CHAF1A: variants seen among roughly 807,000 people sequenced by gnomAD.
CHAF1A encodes CAF-1 subunit A.
In CHAF1A, 5 loss-of-function variants were observed where a neutral mutation model predicts 93.2. The observed-to-expected ratio is 0.05, with a 90% CI of 0.03 to 0.11. The LOEUF (loss-of-function observed/expected upper bound fraction) is 0.11, where lower values mean the gene tolerates loss of function less well. CHAF1A is among the 10% of genes least tolerant of loss of function. The probability of loss-of-function intolerance (pLI) is 1.00; values close to 1 mark genes in which losing one functional copy is unlikely to be tolerated. For missense variants in CHAF1A, 1,102 were observed against 1,259.9 expected (o/e 0.87, Z 1.90); for synonymous variants, 504 against 510.3 (o/e 0.99, Z 0.17).
rs778100682 is a variant in CHAF1A at position 4,408,461 on chromosome 19, C to CTTTTTTTTTTTTTTTT, written c.104-427_104-412dup. On this transcript the variant is annotated intron_variant, in intron 2 of 14. Transcript: ENST00000301280. ...CCTGCCTTGGCCTCCCGCACCCGGC[C>CTTTTTTTTTTTTTTTT]TTTTTTTTTTTTTTTTTTTTTTTTT... 3.0e-3 allele frequency among the ~76,000 whole-genome samples: 108 copies of CTTTTTTTTTTTTTTTT among 36,024 alleles called. 37 individuals are homozygous for CTTTTTTTTTTTTTTTT. The highest frequency in any genetic ancestry group is 7.4e-3 in the African/African-American group (44 of 5,964). 23.6% of individuals were successfully genotyped at this position (36,024 alleles called of 152,430 possible).
In CHAF1A at chr19:4,442,270, T is replaced by C; in HGVS notation, c.2699T>C (p.Phe900Ser). The change falls in exon 14 of 15, where the codon TTC becomes TCC. Residue 900 changes from phenylalanine (F) to serine (S), a missense_variant. Coordinates refer to ENST00000301280, the MANE Select transcript of CHAF1A (RefSeq NM_005483.3). ...GQIGAEDMDG[F>S]QADTEEEEEE... ...ATTGGTGCTGAAGACATGGACGGCT[T>C]CCAGGCAGACACGGAGGAGGAGGAA... 1 of 1,614,014 alleles carries C rather than the reference T, an allele frequency of 6.2e-7. No homozygotes were observed. The highest frequency in any genetic ancestry group is 8.5e-7 in the Non-Finnish European group (1 of 1,179,972).
At chr19:4,409,814 T>A (rs1438669471) in intron 3 of CHAF1A, 55 bp downstream of exon 3, 2 of 1,540,986 alleles carry the variant, frequency 1.3e-6, no homozygotes, top group African/African-American at 2.7e-5. Flanking sequence ...CTCAGAGCGC[T>A]GTCAGTCTCC....
At chr19:4,435,087 C>CTTTTT (rs869255408) in intron 13 of CHAF1A, among the ~76,000 whole-genome samples, 43 of 87,966 alleles carry the variant, frequency 4.9e-4, no homozygotes, top group African/African-American at 8.5e-4. Flanking sequence ...CTTTTTTTTC[C>CTTTTT]TTTTTTTTTT....
rs1973757531 is a variant in CHAF1A at position 4,409,740 on chromosome 19, C to T, written c.941C>T (p.Thr314Ile). 1 of 1,610,996 alleles carries T rather than the reference C, an allele frequency of 6.2e-7. No homozygotes were observed. Among genetic ancestry groups the T allele is most frequent in the East Asian group, 2.2e-5 (1 of 44,768 alleles). ...KQHSSTSPFP[T>I]STPLRRITKK... Reference sequence around the variant, plus strand: ...CACAGCAGTACCAGTCCCTTCCCCACCTCCACGCCCCTCCGCAGAGTGAGT... The same window carrying T: ...CACAGCAGTACCAGTCCCTTCCCCATCTCCACGCCCCTCCGCAGAGTGAGT... Residue 314 changes from threonine to isoleucine, a missense_variant, in exon 3 of 15, where the codon ACC (threonine) becomes ATC (isoleucine). Transcript: ENST00000301280.
Position 4,430,887 on chromosome 19 carries a change from G to C in CHAF1A, c.1947+246G>C, listed in dbSNP as rs1974170034. The C allele has an allele frequency of 2.9e-5, 15 of 510,178 alleles. No homozygotes were observed. The South Asian group carries it at 3.2e-4, about 11-fold the overall frequency. 31.6% of individuals were successfully genotyped at this position (510,178 alleles called of 1,614,324 possible). A position where few individuals can be genotyped will look rare whatever the true frequency, so the allele number is the denominator to read the frequency against. The stretch of plus-strand genomic sequence containing the variant: ...CATAGGAGCAGACACCCTGGTGAGG[G>C]AGCGTGGCCATGGTCTGTGGGTTAG... On this transcript the variant is annotated intron_variant, in intron 11 of 14. Transcript: ENST00000301280.
At chr19:4,403,843 G>A (rs1035457922) in intron 1 of CHAF1A, among the ~76,000 whole-genome samples, 1 of 152,214 alleles carries the variant, frequency 6.6e-6, no homozygotes, top group South Asian at 2.1e-4. Flanking sequence ...TTTTAAGTCA[G>A]GATGTTTAAC....
chr19:4,436,185 C>T (rs984918149), intron 13 of CHAF1A, among the ~76,000 whole-genome samples: 2 of 151,996 alleles, frequency 1.3e-5, no homozygotes, highest in African/African-American at 2.4e-5. Flanking sequence ...GGCAGGGAGG[C>T]GAGAGAAATG....
At chr19:4,425,208 A>G (rs1167709752) in intron 7 of CHAF1A, among the ~76,000 whole-genome samples, 1 of 152,092 alleles carries the variant, frequency 6.6e-6, no homozygotes, top group Admixed American at 6.6e-5. Context: ...CTGCCGCATA[A>G]TACTTCATAA....
chr19:4,446,500 C>T (rs1166405244), downstream of CHAF1A: 2 of 1,606,680 alleles, frequency 1.2e-6, no homozygotes, highest in Admixed American at 1.7e-5. Flanking sequence ...TCAGGCCCAC[C>T]TGAGCCTCTG....
At chr19:4,416,082 G>A (rs1973892516) in intron 3 of CHAF1A, among the ~76,000 whole-genome samples, 1 of 152,148 alleles carries the variant, frequency 6.6e-6, no homozygotes, top group African/African-American at 2.4e-5. Flanking sequence ...ACTGAGGCAG[G>A]AGAATCGCTT....
chr19:4,429,540 C>G lies in CHAF1A; in HGVS notation c.1707C>G (p.Ala569=), dbSNP rs571181901. 6.2e-7 allele frequency: 1 copy of G among 1,614,038 alleles called. No homozygotes were observed. The highest frequency in any genetic ancestry group is 2.2e-5 in the East Asian group (1 of 44,860). ...AGTTCTGTGAGAACCACCGGCCTGCCTACTGGGGTACCTGGAATAAGAAGA... is the reference window on the plus strand; with the variant it reads ...AGTTCTGTGAGAACCACCGGCCTGCGTACTGGGGTACCTGGAATAAGAAGA... ...LLQFCENHRP[A]YWGTWNKKTA... Residue 569 remains alanine (A), a synonymous_variant, in exon 9 of 15, where the codon GCC becomes GCG. Coordinates refer to ENST00000301280, the MANE Select transcript of CHAF1A (RefSeq NM_005483.3).
Position 4,443,031 on chromosome 19 carries a change from G to A in CHAF1A, c.*6G>A. 1.3e-6 allele frequency: 2 copies of A among 1,554,776 alleles called. No individual in the cohort carries two copies. Among genetic ancestry groups the A allele is most frequent in the Admixed American group, 3.7e-5 (2 of 53,802 alleles). On this transcript the variant is annotated 3_prime_UTR_variant, in exon 15 of 15. Transcript: ENST00000301280. Reference sequence around the variant, plus strand: ...GCCCACTGGGTGCATCCTGAGAGCAGGGGTGACGTATGTAGAATGCTTAGG... The same window carrying A: ...GCCCACTGGGTGCATCCTGAGAGCAAGGGTGACGTATGTAGAATGCTTAGG...
chr19:4,448,387 G>T, downstream of CHAF1A: 1 of 1,609,260 alleles, frequency 6.2e-7, no homozygotes, highest in East Asian at 2.2e-5. Flanking sequence ...CTTCATGATG[G>T]AGGCGGCCAC....
chr19:4,403,437 C>T (rs1362462456), intron 1 of CHAF1A, among the ~76,000 whole-genome samples: 4 of 152,266 alleles, frequency 2.6e-5, no homozygotes, highest in Non-Finnish European at 4.4e-5. Flanking sequence ...ACCAGACTGT[C>T]CCTCTCCCTT....
Position 4,442,282 on chromosome 19 carries a change from CGGAGGAGGAGGA to C in CHAF1A, c.2712_2723del (p.Glu908_Glu911del), listed in dbSNP as rs2145156471. 1.9e-6 allele frequency: 3 copies of C among 1,613,676 alleles called. No homozygotes were observed. Among genetic ancestry groups the C allele is most frequent in the Non-Finnish European group, 2.5e-6 (3 of 1,179,872 alleles). On this transcript the variant is annotated inframe_deletion, in exon 14 of 15. Transcript: ENST00000301280. ...GACATGGACGGCTTCCAGGCAGACACGGAGGAGGAGGAAGAGGAGGAGGGCGACTGTATGATC... is the reference window on the plus strand; with the variant it reads ...GACATGGACGGCTTCCAGGCAGACACAGAGGAGGAGGGCGACTGTATGATC...
At chr19:4,441,007 A>G (rs1485416976) in intron 13 of CHAF1A, among the ~76,000 whole-genome samples, 1 of 151,354 alleles carries the variant, frequency 6.6e-6, no homozygotes, top group Non-Finnish European at 1.5e-5. Flanking sequence ...GTTAAAAAAA[A>G]AAAAAAAGGC....
In CHAF1A at chr19:4,408,007, C is replaced by T. The variant is rs1393444414; in HGVS notation, c.104-896C>T. Among the ~76,000 whole-genome samples, 4 of 151,412 alleles carry T rather than the reference C, an allele frequency of 2.6e-5. No individual in the cohort carries two copies. The East Asian group carries it at 5.8e-4, about 22-fold the overall frequency. On this transcript the variant is annotated intron_variant, in intron 2 of 14. Transcript: ENST00000301280. Reference sequence around the variant, plus strand: ...AAAGGATAGAATGAAAAGATAGCACCCCCCACCCCCTCTTTTTTTTTGAGA... The same window carrying T: ...AAAGGATAGAATGAAAAGATAGCACTCCCCACCCCCTCTTTTTTTTTGAGA...
chr19:4,428,992 C>A (rs534602987), intron 8 of CHAF1A, 102 bp downstream of exon 8: 2 of 946,870 alleles, frequency 2.1e-6, no homozygotes, highest in African/African-American at 1.6e-5. Flanking sequence ...CCTTCTGTTG[C>A]TTGCTTCCTA....
At chr19:4,425,031 T>C (rs1213399690) in intron 7 of CHAF1A, among the ~76,000 whole-genome samples, 2 of 152,030 alleles carry the variant, frequency 1.3e-5, no homozygotes, top group African/African-American at 4.8e-5. Context: ...AACCTCGGCC[T>C]CTCAAAGCAC....
Sources: allele counts gnomAD v4.1 joint callset (sites outside exome capture counted in the v4.1 genomes callset), GRCh38; gene constraint gnomAD v4.1.1; transcripts MANE v1.5; gene names NCBI Gene and HGNC (gene_info 2026-07-23, HGNC 2026-07-21).